Variants in GSK3B observed in about 807,000 individuals in gnomAD.
GSK3B encodes glycogen synthase kinase 3 beta.
GSK3B carries 15 observed loss-of-function variants against 56.4 expected under a neutral mutation model. That is an observed-to-expected ratio of 0.27 (90% CI 0.18 to 0.41). GSK3B has a LOEUF of 0.41. Among genes scored for constraint, GSK3B ranks in the 10% least tolerant of loss-of-function variants. The probability of loss-of-function intolerance (pLI) is 1.00; values close to 1 mark genes in which losing one functional copy is unlikely to be tolerated. For missense variants in GSK3B, 300 were observed against 513.4 expected, an observed-to-expected ratio of 0.58 and a Z score of 4.02; for synonymous variants, 181 against 188.9, an observed-to-expected ratio of 0.96 and a Z score of 0.34.
At chr3:119,891,414 T>C (rs1354224682) in intron 7 of GSK3B, among the ~76,000 whole-genome samples, 2 of 152,118 alleles carry the variant, frequency 1.3e-5, no homozygotes, top group Non-Finnish European at 2.9e-5. Context: ...TCTGAGTATA[T>C]CTTTAGGTTT....
chr3:120,087,576 T>C lies in GSK3B; in HGVS notation c.88+5771A>G, dbSNP rs1317424507. On this transcript the variant is annotated intron_variant, in intron 1 of 10. Transcript: ENST00000264235. ...TTTTTATTACTGAATTGATTTGAAA[T>C]AAGAATCAAGAAATTAACCTTAGAC... Among the ~76,000 whole-genome samples, 5 of 151,578 alleles carry C rather than the reference T, an allele frequency of 3.3e-5. No individual in the cohort carries two copies. The East Asian group carries it at 9.7e-4, about 29-fold the overall frequency.
intron 1 of GSK3B, among the ~76,000 whole-genome samples, chr3:120,007,953 A>C (rs1364145873): frequency 6.6e-6 from 1 of 152,194 alleles, no homozygotes; most frequent in Non-Finnish European, 1.5e-5. Flanking sequence ...AGCATATTCA[A>C]ATAGGAGGAG....
chr3:120,087,750 A>G (rs1314917609), intron 1 of GSK3B, among the ~76,000 whole-genome samples: 19 of 152,202 alleles, frequency 1.2e-4, no homozygotes, highest in Admixed American at 1.2e-3. Context: ...TAAGAAAACT[A>G]TTCAATACAA....
At chr3:119,912,683 T>A in intron 6 of GSK3B, 21 bp downstream of exon 6, 2 of 1,012,930 alleles carry the variant, frequency 2.0e-6, no homozygotes, top group Non-Finnish European at 3.1e-6. Flanking sequence ...TTATGAGCAT[T>A]ATATTCAGAT....
At chr3:119,834,195 G>A (rs1350227094) in intron 10 of GSK3B, among the ~76,000 whole-genome samples, 1 of 152,086 alleles carries the variant, frequency 6.6e-6, no homozygotes, top group Non-Finnish European at 1.5e-5. Flanking sequence ...CCTAACTCAG[G>A]ATGTTCCTAC....
intron 7 of GSK3B, among the ~76,000 whole-genome samples, chr3:119,886,022 C>G (rs1232878578): frequency 1.3e-5 from 2 of 151,896 alleles, no homozygotes; most frequent in South Asian, 4.1e-4. Flanking sequence ...TCAAAAGCAA[C>G]TGCAATAAAA....
chr3:119,832,320 A>G (rs2055614774), intron 10 of GSK3B, among the ~76,000 whole-genome samples: 1 of 152,262 alleles, frequency 6.6e-6, no homozygotes. Context: ...CAGGCAAGTC[A>G]TCAGACGACT....
At chr3:120,079,414 T>A (rs967985830) in intron 1 of GSK3B, among the ~76,000 whole-genome samples, 1 of 151,884 alleles carries the variant, frequency 6.6e-6, no homozygotes, top group Admixed American at 6.6e-5. Context: ...TTTTTCTTTT[T>A]GAGACAGTCT....
chr3:119,908,477 T>C (rs542178895), intron 6 of GSK3B, among the ~76,000 whole-genome samples: 23 of 152,322 alleles, frequency 1.5e-4, no homozygotes, highest in Non-Finnish European at 2.8e-4. Flanking sequence ...AACATTTTAT[T>C]TAAGCCTCAC....
intron 2 of GSK3B, among the ~76,000 whole-genome samples, chr3:119,975,639 G>A (rs1049764348): frequency 2.0e-5 from 3 of 152,150 alleles, no homozygotes; most frequent in African/African-American, 7.2e-5. Context: ...GTGTTATTCA[G>A]GAAATTTTTA....
intron 2 of GSK3B, among the ~76,000 whole-genome samples, chr3:119,986,649 G>A (rs1490637404): frequency 6.6e-6 from 1 of 152,236 alleles, no homozygotes; most frequent in Non-Finnish European, 1.5e-5. Flanking sequence ...TCTCACGCCA[G>A]TTAGAATGGC....
intron 9 of GSK3B, among the ~76,000 whole-genome samples, chr3:119,853,704 A>G (rs2055973373): frequency 6.6e-6 from 1 of 152,210 alleles, no homozygotes; most frequent in Admixed American, 6.5e-5. Flanking sequence ...GAGTTCACTC[A>G]TCATTTGGCT....
At chr3:119,979,602 A>G (rs2057441503) in intron 2 of GSK3B, among the ~76,000 whole-genome samples, 1 of 152,228 alleles carries the variant, frequency 6.6e-6, no homozygotes, top group Admixed American at 6.5e-5. Flanking sequence ...CTTGTCACAG[A>G]TCAAAACTAT....
chr3:119,890,505 T>A (rs538530836), intron 7 of GSK3B, among the ~76,000 whole-genome samples: 2 of 152,110 alleles, frequency 1.3e-5, no homozygotes, highest in South Asian at 4.1e-4. Flanking sequence ...ATGAACAGGG[T>A]GACCAACCAT....
chr3:119,941,993 C>T (rs1391445578), intron 3 of GSK3B, among the ~76,000 whole-genome samples: 1 of 152,198 alleles, frequency 6.6e-6, no homozygotes, highest in Non-Finnish European at 1.5e-5. Flanking sequence ...AAATTAAGCA[C>T]AGCATTCTGC....
intron 2 of GSK3B, among the ~76,000 whole-genome samples, chr3:119,949,274 C>T (rs2057131443): frequency 2.0e-5 from 3 of 152,188 alleles, no homozygotes; most frequent in Admixed American, 2.0e-4. Flanking sequence ...AAGTATTCAT[C>T]TACATTTACT....
At chr3:119,899,198 A>C (rs1259401715) in intron 7 of GSK3B, among the ~76,000 whole-genome samples, 1 of 152,126 alleles carries the variant, frequency 6.6e-6, no homozygotes, top group Non-Finnish European at 1.5e-5. Flanking sequence ...ACGTCCCAGG[A>C]GGAATGAAGC....
intron 10 of GSK3B, among the ~76,000 whole-genome samples, 174 bp downstream of exon 10, chr3:119,843,081 A>T (rs767908551): frequency 6.6e-6 from 1 of 151,928 alleles, no homozygotes; most frequent in Non-Finnish European, 1.5e-5. Flanking sequence ...ACACCTGGCT[A>T]AGTTTTTATT....
In GSK3B at chr3:120,001,298, G is replaced by A. The variant is rs565225735; in HGVS notation, c.282+748C>T. On this transcript the variant is annotated intron_variant, in intron 2 of 10. Transcript: ENST00000264235. ...TGTAATCCCAGCACTTTGGGAGGCT[G>A]AGACAGGCGACTTGCCTGAGCTCAG... Among the ~76,000 whole-genome samples, 3 of 152,208 alleles carry A rather than the reference G, an allele frequency of 2.0e-5. No individual in the cohort carries two copies. In the East Asian group the frequency reaches 5.8e-4, roughly 29 times the overall value.
Sources: allele counts gnomAD v4.1 joint callset (sites outside exome capture counted in the v4.1 genomes callset), GRCh38; gene constraint gnomAD v4.1.1; transcripts MANE v1.5; gene names NCBI Gene and HGNC (gene_info 2026-07-23, HGNC 2026-07-21).